CDH4: variants seen among roughly 807,000 people sequenced by gnomAD.
The protein encoded by CDH4 is cadherin 4, also known as cadherin-4.
In CDH4, 33 loss-of-function variants were observed where a neutral mutation model predicts 86.0. That is an observed-to-expected ratio of 0.38 (90% CI 0.29 to 0.51). The LOEUF is 0.51. Ranked by LOEUF, CDH4 falls within the 20% of genes least tolerant of loss-of-function variation. CDH4 has a pLI of 0.86. For missense variants in CDH4, 1,114 were observed against 1,307.4 expected (o/e 0.85, Z 2.28); for synonymous variants, 555 against 549.4 (o/e 1.01, Z -0.14).
intron 2 of CDH4, among the ~76,000 whole-genome samples, chr20:61,343,615 G>A (rs6065093): frequency 0.19 from 28,468 of 152,160 alleles, 2,835 homozygotes; most frequent in African/African-American, 0.23. Flanking sequence ...AGTTGTGCTT[G>A]CGGTAACAAA....
At chr20:61,898,163 G>C (rs547212255) in intron 8 of CDH4, among the ~76,000 whole-genome samples, 158 of 152,334 alleles carry the variant, frequency 1.0e-3, no homozygotes, top group African/African-American at 3.7e-3. Flanking sequence ...CCGTGGGACG[G>C]AGCAGGCAGA....
chr20:61,556,876 C>T (rs868130701), intron 2 of CDH4, among the ~76,000 whole-genome samples: 1 of 152,140 alleles, frequency 6.6e-6, no homozygotes, highest in African/African-American at 2.4e-5. Context: ...GCAACAACAC[C>T]GAGAACACGT....
At chr20:61,434,572 G>A (rs1399566537) in intron 2 of CDH4, 1 of 152,224 alleles carries the variant, frequency 6.6e-6, no homozygotes, top group Non-Finnish European at 1.5e-5. Context: ...AGGGGCTGCA[G>A]AGGAAATTGC....
chr20:61,262,204 C>T (rs879886302), intron 2 of CDH4, among the ~76,000 whole-genome samples: 4 of 152,296 alleles, frequency 2.6e-5, no homozygotes, highest in Non-Finnish European at 5.9e-5. Context: ...CCAGCCGGGG[C>T]GGGGCTCCCT....
At chr20:61,552,935 T>C (rs888573371) in intron 2 of CDH4, among the ~76,000 whole-genome samples, 1 of 152,132 alleles carries the variant, frequency 6.6e-6, no homozygotes, top group African/African-American at 2.4e-5. Context: ...GACCCAGAAA[T>C]GTGACTCCTA....
chr20:61,275,409 C>G, intron 2 of CDH4, among the ~76,000 whole-genome samples: 1 of 41,216 alleles, frequency 2.4e-5, no homozygotes, highest in Non-Finnish European at 4.3e-5. Flanking sequence ...GAGTACCATG[C>G]ACAGTTTGGG....
At chr20:61,350,688 C>A (rs2084706911) in intron 2 of CDH4, among the ~76,000 whole-genome samples, 1 of 140,480 alleles carries the variant, frequency 7.1e-6, no homozygotes, top group Non-Finnish European at 1.5e-5. Context: ...CTGACCTTGC[C>A]TCTCCCACCC....
Position 61,510,306 on chromosome 20 carries a change from G to A in CDH4, c.170-233257G>A, listed in dbSNP as rs937054760. Among the ~76,000 whole-genome samples the A allele has an allele frequency of 6.6e-6, 1 of 152,156 alleles. No individual in the cohort carries two copies. Among genetic ancestry groups the A allele is most frequent in the East Asian group, 1.9e-4 (1 of 5,196 alleles). ...GGGGGGGCCAGGAACGTGCATTCAG[G>A]GGAGTTTCTATTTGCCCAGGAGGAT... On this transcript the variant is annotated intron_variant, in intron 2 of 15. Transcript: ENST00000614565. This position sits in a 1 kb window ranked among gnomAD's most constrained non-coding sequence, Gnocchi z 4.2.
At chr20:61,886,786 C>T (rs754505171) in intron 7 of CDH4, among the ~76,000 whole-genome samples, 4 of 152,202 alleles carry the variant, frequency 2.6e-5, no homozygotes, top group Non-Finnish European at 5.9e-5. Flanking sequence ...GGGAGGGCGC[C>T]GTGCCCCTGT....
At chr20:61,257,914 G>A (rs997166132) in intron 2 of CDH4, among the ~76,000 whole-genome samples, 1 of 152,162 alleles carries the variant, frequency 6.6e-6, no homozygotes, top group African/African-American at 2.4e-5. Flanking sequence ...CTCCCGGGTC[G>A]TATCTCCCCT....
chr20:61,827,240 G>T (rs1438921967), intron 4 of CDH4, among the ~76,000 whole-genome samples: 1 of 152,128 alleles, frequency 6.6e-6, no homozygotes, highest in Non-Finnish European at 1.5e-5. Flanking sequence ...TATCAAGTTG[G>T]TGACATTGCT....
chr20:61,322,711 C>T (rs371924741), intron 2 of CDH4, among the ~76,000 whole-genome samples: 6 of 152,178 alleles, frequency 3.9e-5, no homozygotes, highest in Non-Finnish European at 8.8e-5. Flanking sequence ...ACGCAGCCAC[C>T]GAGGGGTAGC....
chr20:61,726,523 G>A (rs771418637), intron 2 of CDH4, among the ~76,000 whole-genome samples: 1 of 152,098 alleles, frequency 6.6e-6, no homozygotes, highest in South Asian at 2.1e-4. Flanking sequence ...CTCGAGTTTG[G>A]TACATTCCCA....
chr20:61,705,995 G>A (rs796866454), intron 2 of CDH4, among the ~76,000 whole-genome samples: 12 of 152,282 alleles, frequency 7.9e-5, no homozygotes, highest in African/African-American at 2.2e-4. Flanking sequence ...TCTCCCCCAC[G>A]GGTGCTGGCT....
intron 2 of CDH4, among the ~76,000 whole-genome samples, chr20:61,284,267 T>C (rs1020635532): frequency 1.3e-5 from 2 of 151,952 alleles, no homozygotes; most frequent in African/African-American, 2.4e-5. Flanking sequence ...TGAGCTGAGA[T>C]TGCACCACTG....
chr20:61,913,275 C>T (rs190649396), intron 9 of CDH4, among the ~76,000 whole-genome samples: 4 of 152,292 alleles, frequency 2.6e-5, no homozygotes, highest in Admixed American at 2.0e-4. Flanking sequence ...AAGGCTGGCT[C>T]GATGTGGTGG....
At chr20:61,369,450 CAAAAAAAAA>C (rs144885482) in intron 2 of CDH4, among the ~76,000 whole-genome samples, 3 of 56,586 alleles carry the variant, frequency 5.3e-5, no homozygotes, top group African/African-American at 2.3e-4. Context: ...GACTCTGTCT[CAAAAAAAAA>C]AAAAAAAAAA....
At position 61,582,242 on chromosome 20, in the gene CDH4, C is replaced by T. The variant is rs1343386259; in HGVS notation, c.170-161321C>T. ...AATGCCGCCTCCCCACCTCCAATCA[C>T]AGAGGCACACGCGGCTTTGCCCTTG... On this transcript the variant is annotated intron_variant, in intron 2 of 15. Transcript: ENST00000614565. This position sits in a 1 kb window ranked among gnomAD's most constrained non-coding sequence, Gnocchi z 4.2. 6.6e-6 allele frequency among the ~76,000 whole-genome samples: 1 copy of T among 152,242 alleles called. No homozygotes were observed. The highest frequency in any genetic ancestry group is 1.5e-5 in the Non-Finnish European group (1 of 68,044).
intron 2 of CDH4, among the ~76,000 whole-genome samples, chr20:61,609,948 A>T (rs2086672510): frequency 3.3e-5 from 5 of 152,196 alleles, no homozygotes; most frequent in Admixed American, 3.3e-4. Context: ...AACCAGGATC[A>T]TCGGGGTACC....
Sources: gnomAD v4.1 joint callset for allele counts (sites outside exome capture counted in the v4.1 genomes callset) on GRCh38, gnomAD v4.1.1 for gene constraint, Gnocchi (gnomAD v3.1) non-coding constraint, MANE v1.5 for transcripts, NCBI Gene and HGNC (gene_info 2026-07-23, HGNC 2026-07-21) for gene names.